Variants in GALNTL6 observed in about 807,000 individuals in gnomAD.
GALNTL6 encodes the protein polypeptide N-acetylgalactosaminyltransferase-like 6.
Under a neutral mutation model 73.7 loss-of-function variants are expected in GALNTL6, and 46 were observed. The observed-to-expected ratio is 0.62, with a 90% CI of 0.49 to 0.80. The LOEUF (loss-of-function observed/expected upper bound fraction) is 0.80. GALNTL6 is among the 30% of genes least tolerant of loss of function. GALNTL6 has a pLI of 0.00. For synonymous variants in GALNTL6, 259 were observed against 263.7 expected, an observed-to-expected ratio of 0.98 and a Z score of 0.17; for missense variants, 604 against 755.0, an observed-to-expected ratio of 0.80 and a Z score of 2.34.
At position 172,230,353 on chromosome 4, in the gene GALNTL6, C is replaced by T. The variant is rs536784076; in HGVS notation, c.247+589C>T. ...AATAGGTCTTTCCACTTTGGGAGAC[C>T]GAGGCAGGCGGATCACAAGGTCAGG... On this transcript the variant is annotated intron_variant, in intron 3 of 12. Coordinates refer to ENST00000506823, the MANE Select transcript of GALNTL6 (RefSeq NM_001034845.3). Among the ~76,000 whole-genome samples the T allele has an allele frequency of 6.6e-5, 10 of 152,046 alleles. No homozygotes were observed. In the South Asian group the frequency reaches 1.5e-3, roughly 22 times the overall value.
At chr4:172,527,415 G>A (rs1734996604) in intron 5 of GALNTL6, among the ~76,000 whole-genome samples, 1 of 152,132 alleles carries the variant, frequency 6.6e-6, no homozygotes, top group African/African-American at 2.4e-5. Context: ...TAAATGACCT[G>A]GTAAAGTCTG....
At chr4:172,513,402 T>G (rs2110795520) in intron 5 of GALNTL6, among the ~76,000 whole-genome samples, 1 of 152,372 alleles carries the variant, frequency 6.6e-6, no homozygotes, top group South Asian at 2.1e-4. Context: ...ATCGAACTTC[T>G]GAATTCTTTT....
chr4:171,823,590 C>T (rs1043071856), intron 2 of GALNTL6, among the ~76,000 whole-genome samples: 18 of 148,892 alleles, frequency 1.2e-4, no homozygotes, highest in African/African-American at 4.2e-4. Context: ...TACACACACA[C>T]ATATATATAT....
At chr4:172,911,601 T>G (rs187371511) in intron 8 of GALNTL6, among the ~76,000 whole-genome samples, 2 of 152,332 alleles carry the variant, frequency 1.3e-5, no homozygotes, top group Admixed American at 1.3e-4. Context: ...ATGCCCAGAA[T>G]TGATCTTCCA....
At chr4:172,530,916 A>G (rs1735147180) in intron 5 of GALNTL6, among the ~76,000 whole-genome samples, 1 of 146,932 alleles carries the variant, frequency 6.8e-6, no homozygotes. Flanking sequence ...CAGACAGTCT[A>G]GACGTCTATA....
intron 3 of GALNTL6, among the ~76,000 whole-genome samples, chr4:172,278,165 A>G (rs1310681940): frequency 6.6e-6 from 1 of 151,850 alleles, no homozygotes; most frequent in African/African-American, 2.4e-5. Flanking sequence ...ATTTCTCCAC[A>G]TTTCTACTTT....
At chr4:172,177,815 G>GTGTGTATATATACACACACATATA (rs1735086750) in intron 2 of GALNTL6, among the ~76,000 whole-genome samples, 1 of 123,394 alleles carries the variant, frequency 8.1e-6, no homozygotes, top group Non-Finnish European at 1.6e-5. Context: ...ACATATATGT[G>GTGTGTATATATACACACACATATA]TGTGTATATA....
chr4:172,845,585 G>A (rs1303393744), intron 7 of GALNTL6, among the ~76,000 whole-genome samples: 1 of 152,126 alleles, frequency 6.6e-6, no homozygotes, highest in Non-Finnish European at 1.5e-5. Flanking sequence ...AAAAATCATT[G>A]AGACTAATAA....
At chr4:172,469,114 C>G (rs960987416) in intron 5 of GALNTL6, among the ~76,000 whole-genome samples, 1 of 152,002 alleles carries the variant, frequency 6.6e-6, no homozygotes, top group African/African-American at 2.4e-5. Context: ...TGAGCCAAGT[C>G]TATGGAAGGA....
chr4:172,593,755 GT>G (rs1170511633), intron 5 of GALNTL6, among the ~76,000 whole-genome samples: 1 of 151,718 alleles, frequency 6.6e-6, no homozygotes, highest in Non-Finnish European at 1.5e-5. Flanking sequence ...TTGAGACGGA[GT>G]TTCGCTCTTG....
intron 2 of GALNTL6, among the ~76,000 whole-genome samples, chr4:172,138,477 CTATATATATATATA>C (rs1414149880): frequency 0.015 from 129 of 8,698 alleles, 1 homozygote; most frequent in South Asian, 0.023. Flanking sequence ...CTTGGACTGC[CTATATATATATATA>C]TATATATATA....
intron 5 of GALNTL6, among the ~76,000 whole-genome samples, chr4:172,512,475 A>G (rs1734458290): frequency 6.6e-6 from 1 of 152,092 alleles, no homozygotes; most frequent in Non-Finnish European, 1.5e-5. Context: ...TATTCTATTC[A>G]TCATGCTAGT....
At chr4:172,422,885 T>C (rs1328299136) in intron 5 of GALNTL6, among the ~76,000 whole-genome samples, 1 of 151,114 alleles carries the variant, frequency 6.6e-6, no homozygotes, top group African/African-American at 2.4e-5. Context: ...CCACACTTAT[T>C]TCCGGATTAA....
At position 172,549,223 on chromosome 4, in the gene GALNTL6, G is replaced by A. The variant is rs149460765; in HGVS notation, c.553+200534G>A. The stretch of plus-strand genomic sequence containing the variant: ...AATAACTTGCATCGTTTTTATCTTT[G>A]GCTGTTATTGAAGGGAGTGTTGTGG... On this transcript the variant is annotated intron_variant, in intron 5 of 12. Transcript: ENST00000506823. Among the ~76,000 whole-genome samples, 68 of 152,178 alleles carry A rather than the reference G, an allele frequency of 4.5e-4. No homozygotes were observed. The East Asian group carries it at 0.012, about 26-fold the overall frequency.
chr4:172,683,867 G>T (rs1459704822), intron 5 of GALNTL6, among the ~76,000 whole-genome samples: 1 of 152,166 alleles, frequency 6.6e-6, no homozygotes, highest in African/African-American at 2.4e-5. Flanking sequence ...GCTGGAAGCA[G>T]GGATTAGCTT....
intron 2 of GALNTL6, among the ~76,000 whole-genome samples, chr4:172,083,906 A>G (rs17058017): frequency 0.096 from 14,683 of 152,262 alleles, 919 homozygotes; most frequent in Admixed American, 0.19. Context: ...CTGTGGGAAT[A>G]GATATACTCT....
At chr4:172,824,633 T>G (rs925940944) in intron 7 of GALNTL6, among the ~76,000 whole-genome samples, 1 of 152,050 alleles carries the variant, frequency 6.6e-6, no homozygotes, top group Non-Finnish European at 1.5e-5. Flanking sequence ...AGAAACAAAA[T>G]CTGGCTTTGA....
rs150490750 is a variant in GALNTL6 at position 171,903,448 on chromosome 4, C to T, written c.138+88730C>T. ...GCGCTTTGCCGAAGGGCTTAAAAAACGGCACACCAGGAGATTAAATCCCTC... is the reference window on the plus strand; with the variant it reads ...GCGCTTTGCCGAAGGGCTTAAAAAATGGCACACCAGGAGATTAAATCCCTC... On this transcript the variant is annotated intron_variant, in intron 2 of 12. Coordinates refer to ENST00000506823, the MANE Select transcript of GALNTL6 (RefSeq NM_001034845.3). Among the ~76,000 whole-genome samples, 636 of 152,238 alleles carry T rather than the reference C, an allele frequency of 4.2e-3. 2 individuals are homozygous for T. The highest frequency in any genetic ancestry group is 4.6e-3 in the Non-Finnish European group (313 of 68,026).
intron 4 of GALNTL6, among the ~76,000 whole-genome samples, chr4:172,333,409 A>G (rs1444242126): frequency 1.3e-5 from 2 of 152,202 alleles, no homozygotes; most frequent in Non-Finnish European, 2.9e-5. Flanking sequence ...CCATCTCAAA[A>G]GAAAAAAATA....
Sources: allele counts gnomAD v4.1 joint callset (sites outside exome capture counted in the v4.1 genomes callset), GRCh38; gene constraint gnomAD v4.1.1; transcripts MANE v1.5; gene names NCBI Gene and HGNC (gene_info 2026-07-23, HGNC 2026-07-21).